Variants in JAK1 observed in about 807,000 individuals in gnomAD.
JAK1 encodes the protein tyrosine-protein kinase JAK1.
Under a neutral mutation model 136.6 loss-of-function variants are expected in JAK1, and 16 were observed. The observed-to-expected ratio is 0.12, with a 90% CI of 0.08 to 0.18. JAK1 has a LOEUF of 0.18. Among genes scored for constraint, JAK1 ranks in the 10% least tolerant of loss-of-function variants. The probability of loss-of-function intolerance (pLI) is 1.00; values close to 1 mark genes in which losing one functional copy is unlikely to be tolerated. For synonymous variants in JAK1, 492 were observed against 519.5 expected, an observed-to-expected ratio of 0.95 and a Z score of 0.72; for missense variants, 859 against 1,450.1, an observed-to-expected ratio of 0.59 and a Z score of 6.62.
intron 1 of JAK1, among the ~76,000 whole-genome samples, chr1:64,947,122 T>C (rs886814646): frequency 1.2e-4 from 18 of 152,170 alleles, no homozygotes; most frequent in African/African-American, 4.3e-4. Context: ...ATGAAAAGAG[T>C]TCTGGAGATT....
chr1:64,989,002 G>GTGTATATATATATATATA (rs545656432), intron 2 of JAK1, among the ~76,000 whole-genome samples: 8 of 129,236 alleles, frequency 6.2e-5, no homozygotes, highest in Non-Finnish European at 1.1e-4. Flanking sequence ...GTGTGTGTGT[G>GTGTATATATATATATATA]TATATATATA....
intron 1 of JAK1, chr1:65,066,932 CCTCCGCGCCG>C: frequency 6.6e-6 from 1 of 152,420 alleles, no homozygotes; most frequent in African/African-American, 2.4e-5. Flanking sequence ...ACACCCCGCC[CCTCCGCGCCG>C]CTCCCCTCCG....
At chr1:64,866,562 G>C (rs762705183) in intron 7 of JAK1, among the ~76,000 whole-genome samples, 2 of 152,136 alleles carry the variant, frequency 1.3e-5, no homozygotes, top group African/African-American at 4.8e-5. Flanking sequence ...AAATAAATGA[G>C]TTAATACTTA....
rs1655093554 is a variant in JAK1, at chr1:64,844,376, G to A, written c.2252-161C>T. Among the ~76,000 whole-genome samples the A allele has an allele frequency of 6.6e-6, 1 of 152,234 alleles. No individual in the cohort carries two copies. Among genetic ancestry groups the A allele is most frequent in the African/African-American group, 2.4e-5 (1 of 41,454 alleles). On this transcript the variant is annotated intron_variant, in intron 16 of 24. Coordinates refer to ENST00000342505, the MANE Select transcript of JAK1 (RefSeq NM_002227.4). The surrounding 1 kb of genome is among the most constrained non-coding windows in gnomAD (Gnocchi z 5.7). ...ATAGGCCCTGTGCGGGGGGCCTGCA[G>A]GCGTGCAGCCCTCCAAGCCACCACC...
chr1:65,051,211 G>A (rs1257792967), intron 1 of JAK1, among the ~76,000 whole-genome samples: 1 of 150,586 alleles, frequency 6.6e-6, no homozygotes, highest in African/African-American at 2.5e-5. Flanking sequence ...AGAAATTAGT[G>A]AATGATGATA....
At chr1:64,895,398 T>C (rs1389899118) in intron 1 of JAK1, among the ~76,000 whole-genome samples, 3 of 152,170 alleles carry the variant, frequency 2.0e-5, no homozygotes, top group Non-Finnish European at 4.4e-5. Flanking sequence ...AGACTACAGT[T>C]TGAAAAACAC....
At chr1:65,062,175 A>C (rs1230814825) in intron 1 of JAK1, among the ~76,000 whole-genome samples, 1 of 152,136 alleles carries the variant, frequency 6.6e-6, no homozygotes, top group Non-Finnish European at 1.5e-5. Context: ...CATATATTAC[A>C]TTATATGGGC....
chr1:64,903,141 C>T (rs61784705), intron 1 of JAK1, among the ~76,000 whole-genome samples: 8,870 of 152,226 alleles, frequency 0.058, 517 homozygotes, highest in African/African-American at 0.15. Context: ...ATTCTCCTGC[C>T]TCAGCCTTCC....
Position 64,860,861 on chromosome 1 carries a change from T to TGTGTGTG in JAK1, c.1177-600_1177-599insCACACAC, listed in dbSNP as rs58016723. 1.8e-3 allele frequency among the ~76,000 whole-genome samples: 241 copies of TGTGTGTG among 132,174 alleles called. 2 individuals carry two copies. Among genetic ancestry groups the TGTGTGTG allele is most frequent in the Non-Finnish European group, 2.5e-3 (158 of 62,496 alleles). 86.7% of individuals were successfully genotyped at this position (132,174 alleles called of 152,430 possible). A position where few individuals can be genotyped will look rare whatever the true frequency, so the allele number is the denominator to read the frequency against. On this transcript the variant is annotated intron_variant, in intron 8 of 24. Transcript: ENST00000342505. ...GTGTGTGTGTGTGTGTGTGTGTGTG[T>TGTGTGTG]TGGGGGTGACGCGGTGGGGGAGGCT...
At chr1:64,898,190 G>A (rs920074699) in intron 1 of JAK1, among the ~76,000 whole-genome samples, 4 of 152,190 alleles carry the variant, frequency 2.6e-5, no homozygotes, top group Admixed American at 2.0e-4. Flanking sequence ...TGGTTGTCGC[G>A]TCTGGCTGGG....
chr1:64,980,549 ATTTTC>A (rs1247667136), intron 2 of JAK1, among the ~76,000 whole-genome samples: 8 of 146,892 alleles, frequency 5.4e-5, no homozygotes, highest in African/African-American at 1.8e-4. Context: ...CTTGGTCTCA[ATTTTC>A]TTTTTTTTTT....
chr1:64,956,526 C>T (rs550565818), intron 1 of JAK1, among the ~76,000 whole-genome samples: 1 of 152,222 alleles, frequency 6.6e-6, no homozygotes, highest in African/African-American at 2.4e-5. Flanking sequence ...CTTCTCCCAA[C>T]CCCCCAACCT....
At chr1:65,017,157 T>A (rs1006262041) in intron 2 of JAK1, among the ~76,000 whole-genome samples, 1 of 152,070 alleles carries the variant, frequency 6.6e-6, no homozygotes, top group Non-Finnish European at 1.5e-5. Flanking sequence ...TCCCGATAAT[T>A]GATAGAACAA....
chr1:64,929,123 T>C (rs1645644664), intron 1 of JAK1, among the ~76,000 whole-genome samples: 1 of 152,236 alleles, frequency 6.6e-6, no homozygotes, highest in African/African-American at 2.4e-5. Flanking sequence ...ACCTGCAGTA[T>C]GTTCAGTTAA....
chr1:64,967,866 G>T (rs1646411351), upstream of JAK1, among the ~76,000 whole-genome samples: 1 of 152,130 alleles, frequency 6.6e-6, no homozygotes, highest in Non-Finnish European at 1.5e-5. Context: ...AACCCGGGTT[G>T]CCTGCATTGT....
chr1:65,007,559 C>T (rs567179665), intron 2 of JAK1, among the ~76,000 whole-genome samples: 1 of 152,272 alleles, frequency 6.6e-6, no homozygotes, highest in East Asian at 1.9e-4. Context: ...CTCCCATGTT[C>T]AAGCAATTCT....
At chr1:64,964,039 C>T (rs1232547798) in intron 1 of JAK1, among the ~76,000 whole-genome samples, 1 of 152,186 alleles carries the variant, frequency 6.6e-6, no homozygotes, top group Non-Finnish European at 1.5e-5. Context: ...CTGAAAGTTC[C>T]TTCCAACACT....
At chr1:64,917,319 A>C (rs7539178) in intron 1 of JAK1, among the ~76,000 whole-genome samples, 31,274 of 152,084 alleles carry the variant, frequency 0.21, 3,827 homozygotes, top group East Asian at 0.53. Flanking sequence ...TGAAGGAAGA[A>C]TCAAGATACA....
Position 64,860,137 on chromosome 1 carries a change from G to A in JAK1, c.1302C>T (p.His434=), listed in dbSNP as rs750287658. The A allele has an allele frequency of 6.3e-7, 1 of 1,599,236 alleles. No individual in the cohort carries two copies. The highest frequency in any genetic ancestry group is 1.1e-5 in the South Asian group (1 of 89,146). Residue 434 remains histidine, a synonymous_variant, in exon 9 of 25, where the codon CAC becomes CAT. Coordinates refer to ENST00000342505, the MANE Select transcript of JAK1 (RefSeq NM_002227.4). ...CTDVAPPLIV[H]NIQNGCHGPI... ...GACCATGACAGCCATTCTGTATGTTGTGGACGATCAACGGGGGGGCCACGT... is the reference window on the plus strand; with the variant it reads ...GACCATGACAGCCATTCTGTATGTTATGGACGATCAACGGGGGGGCCACGT...
Sources: allele counts gnomAD v4.1 joint callset (sites outside exome capture counted in the v4.1 genomes callset), GRCh38; gene constraint gnomAD v4.1.1; non-coding constraint Gnocchi (gnomAD v3.1); transcripts MANE v1.5; gene names NCBI Gene and HGNC (gene_info 2026-07-23, HGNC 2026-07-21).